OIP5: variants seen among roughly 807,000 people sequenced by gnomAD.
The protein encoded by OIP5 is Opa interacting protein 5, also known as protein Mis18-beta.
In OIP5, 24 loss-of-function variants were observed where a neutral mutation model predicts 20.3. The ratio of observed to expected loss-of-function variants is 1.18; its 90% CI spans 0.86 to 1.66. The LOEUF is 1.66. OIP5 is among the 40% of genes most tolerant of loss of function. The probability of loss-of-function intolerance (pLI) is 0.00; values close to 1 mark genes in which losing one functional copy is unlikely to be tolerated. For synonymous variants in OIP5, 143 were observed against 121.3 expected (o/e 1.18, Z -1.17); for missense variants, 339 against 289.5 (o/e 1.17, Z -1.24).
At chr15:41,328,576 A>G (rs1397683638) in intron 2 of OIP5, among the ~76,000 whole-genome samples, 1 of 152,208 alleles carries the variant, frequency 6.6e-6, no homozygotes, top group Non-Finnish European at 1.5e-5. Flanking sequence ...GTTACAATAA[A>G]TCCTCTACCA....
chr15:41,326,993 A>C lies in OIP5; in HGVS notation c.389+4922T>G, dbSNP rs550009471. The stretch of plus-strand genomic sequence containing the variant: ...ATTTTTTTGGTTATAACAGTCTGTG[A>C]ATCTACAAGACAACAGGAAGTAATA... On this transcript the variant is annotated intron_variant, in intron 2 of 4. Coordinates refer to ENST00000220514, the MANE Select transcript of OIP5 (RefSeq NM_007280.2). Among the ~76,000 whole-genome samples the C allele has an allele frequency of 2.0e-5, 3 of 152,190 alleles. No individual in the cohort carries two copies. In the East Asian group the frequency reaches 5.8e-4, roughly 29 times the overall value.
chr15:41,321,361 C>T (rs917870058), intron 2 of OIP5, among the ~76,000 whole-genome samples: 10 of 152,060 alleles, frequency 6.6e-5, no homozygotes, highest in South Asian at 6.2e-4. Flanking sequence ...CGCCTCTGCC[C>T]GGCCGCCCCT....
intron 3 of OIP5, among the ~76,000 whole-genome samples, chr15:41,317,506 A>G (rs1357047921): frequency 6.6e-6 from 1 of 151,856 alleles, no homozygotes; most frequent in Non-Finnish European, 1.5e-5. Flanking sequence ...CAGCCTCCCA[A>G]GTAGCTAGGA....
chr15:41,332,063 G>A, intron 1 of OIP5, 82 bp from the exon 2 acceptor site: 5 of 1,437,218 alleles, frequency 3.5e-6, no homozygotes, highest in Non-Finnish European at 4.9e-6. Context: ...ACTCATCCTG[G>A]CCGTAAATAT....
intron 2 of OIP5, among the ~76,000 whole-genome samples, chr15:41,327,467 G>A (rs1325868426): frequency 6.6e-6 from 1 of 151,608 alleles, no homozygotes; most frequent in Admixed American, 6.6e-5. Context: ...GTGAGTCACT[G>A]TACCCAGCCA....
intron 3 of OIP5, among the ~76,000 whole-genome samples, chr15:41,318,018 A>G (rs1350207483): frequency 1.3e-5 from 2 of 152,096 alleles, no homozygotes; most frequent in Non-Finnish European, 2.9e-5. Context: ...AGTGGGAATC[A>G]CACATGATAC....
intron 2 of OIP5, among the ~76,000 whole-genome samples, chr15:41,329,535 C>G (rs928871241): frequency 6.6e-6 from 1 of 151,678 alleles, no homozygotes; most frequent in Admixed American, 6.6e-5. Context: ...AGGCTGGTCC[C>G]GAACTCCCGA....
At chr15:41,315,361 G>A (rs923671901) in intron 3 of OIP5, among the ~76,000 whole-genome samples, 9 of 151,500 alleles carry the variant, frequency 5.9e-5, no homozygotes, top group East Asian at 1.9e-4. Flanking sequence ...CCTGGGAGGC[G>A]GAGGTTGCAA....
chr15:41,332,178 A>G, intron 1 of OIP5, 62 bp downstream of exon 1: 1 of 1,499,184 alleles, frequency 6.7e-7, no homozygotes, highest in Non-Finnish European at 9.0e-7. Flanking sequence ...CACCCGGTGG[A>G]GAAAGCGGGA....
At chr15:41,328,976 G>A (rs975517117) in intron 2 of OIP5, among the ~76,000 whole-genome samples, 8 of 139,018 alleles carry the variant, frequency 5.8e-5, no homozygotes, top group African/African-American at 1.9e-4. Flanking sequence ...TGAGGTAGGA[G>A]AATAGCTTGA....
chr15:41,317,837 C>T (rs2047797425), intron 3 of OIP5, among the ~76,000 whole-genome samples: 1 of 152,152 alleles, frequency 6.6e-6, no homozygotes, highest in Non-Finnish European at 1.5e-5. Context: ...CACCACCATA[C>T]ACAGTTAATA....
rs756878027 is a variant in OIP5, at chr15:41,332,001, T to A, written c.323-20A>T. On this transcript the variant is annotated intron_variant, in intron 1 of 4. Coordinates refer to ENST00000220514, the MANE Select transcript of OIP5 (RefSeq NM_007280.2). ...TAACTCCTAGGAAGACAAACACGGG[T>A]CAGAACCCATACTCTGCGGGCCTTG... The A allele has an allele frequency of 1.9e-6, 3 of 1,611,800 alleles. No homozygotes were observed.
At chr15:41,313,198 C>A in intron 4 of OIP5, 75 bp downstream of exon 4, 1 of 876,406 alleles carries the variant, frequency 1.1e-6, no homozygotes. Context: ...ATTTCATCAT[C>A]CCCAAGTTCA....
At position 41,332,513 on chromosome 15, in the gene OIP5, G is replaced by A. The variant is rs865802712; in HGVS notation, c.49C>T (p.Arg17Trp). ...RHRSRCATPP[R>W]GDFCGGTERA... ...TCAGTGCCACCACAAAAGTCCCCCC[G>A]GGGCGGCGTTGCACAACGTGAGCGA... The change falls in exon 1 of 5, where the codon CGG (arginine) becomes TGG (tryptophan). Residue 17 changes from arginine to tryptophan, a missense_variant. Physicochemically the swap from Arg to Trp is moderately radical, Grantham distance 101. Coordinates refer to ENST00000220514, the MANE Select transcript of OIP5 (RefSeq NM_007280.2). The A allele has an allele frequency of 3.1e-6, 5 of 1,613,586 alleles. No homozygotes were observed. The highest frequency in any genetic ancestry group is 2.7e-5 in the African/African-American group (2 of 75,038).
At position 41,331,959 on chromosome 15, in the gene OIP5, C is replaced by G. The variant is rs1415331817; in HGVS notation, c.345G>C (p.Leu115Phe). Residue 115 changes from leucine to phenylalanine, a missense_variant, in exon 2 of 5, where the codon TTG becomes TTC. By Grantham distance (22) the Leu-to-Phe change is conservative. Transcript: ENST00000220514. ...CAATGCCAACTAGGAAGGGCGCTTC[C>G]AAAACGACGTTATTTGTAACTCCTA... ...VFSRVTNNVV[L>F]EAPFLVGIEG... The G allele has an allele frequency of 8.1e-6, 13 of 1,614,002 alleles. No individual in the cohort carries two copies. Among genetic ancestry groups the G allele is most frequent in the Non-Finnish European group, 1.1e-5 (13 of 1,179,996 alleles).
intron 3 of OIP5, among the ~76,000 whole-genome samples, chr15:41,316,085 G>A (rs1241397535): frequency 6.6e-6 from 1 of 152,074 alleles, no homozygotes; most frequent in East Asian, 1.9e-4. Context: ...CCGAGATGGT[G>A]CCACTGCACT....
intron 3 of OIP5, among the ~76,000 whole-genome samples, chr15:41,319,270 C>T (rs972657915): frequency 6.6e-6 from 1 of 150,552 alleles, no homozygotes; most frequent in Admixed American, 6.6e-5. Flanking sequence ...GACAGAATCT[C>T]ACTATGTCTC....
chr15:41,325,984 A>G (rs967246908), intron 2 of OIP5, among the ~76,000 whole-genome samples: 2 of 151,814 alleles, frequency 1.3e-5, no homozygotes, highest in Non-Finnish European at 2.9e-5. Flanking sequence ...CAACATGGCA[A>G]AACCCTGTCT....
chr15:41,315,729 T>C (rs2047785110), intron 3 of OIP5, among the ~76,000 whole-genome samples: 1 of 152,200 alleles, frequency 6.6e-6, no homozygotes, highest in African/African-American at 2.4e-5. Flanking sequence ...AAAAATGCAA[T>C]TATTGCTTCT....
Sources: gnomAD v4.1 joint callset for allele counts (sites outside exome capture counted in the v4.1 genomes callset) on GRCh38, gnomAD v4.1.1 for gene constraint, MANE v1.5 for transcripts, NCBI Gene and HGNC (gene_info 2026-07-23, HGNC 2026-07-21) for gene names.